ERICH6B: variants seen among roughly 807,000 people sequenced by gnomAD.
The protein encoded by ERICH6B is glutamate-rich protein 6B.
A neutral mutation model predicts 80.0 loss-of-function variants in ERICH6B; 69 were observed. The observed-to-expected ratio is 0.86, with a 90% CI of 0.71 to 1.05. The LOEUF (loss-of-function observed/expected upper bound fraction) is 1.05, where lower values mean the gene tolerates loss of function less well. Among genes scored for constraint, ERICH6B ranks in the 50% least tolerant of loss-of-function variants. ERICH6B has a pLI of 0.00. For synonymous variants in ERICH6B, 283 were observed against 291.9 expected (o/e 0.97, Z 0.31); for missense variants, 754 against 796.1 (o/e 0.95, Z 0.64).
chr13:45,549,850 T>C, intron 13 of ERICH6B, 43 bp downstream of exon 13: 1 of 1,531,394 alleles, frequency 6.5e-7, no homozygotes, highest in Non-Finnish European at 8.8e-7. Flanking sequence ...TCCAGCTGCT[T>C]CTCCATGGGC....
chr13:45,615,018 T>A (rs868450424), intron 1 of ERICH6B, among the ~76,000 whole-genome samples: 11 of 152,256 alleles, frequency 7.2e-5, no homozygotes, highest in African/African-American at 2.2e-4. Flanking sequence ...CAACATCATT[T>A]CCTAGGACCT....
chr13:45,551,868 AC>A (rs1402758516), intron 11 of ERICH6B, among the ~76,000 whole-genome samples: 1 of 152,090 alleles, frequency 6.6e-6, no homozygotes, highest in Non-Finnish European at 1.5e-5. Context: ...CCCCCTTGCC[AC>A]ATGTGACCCC....
chr13:45,608,370 A>G lies in ERICH6B; in HGVS notation c.-110-755T>C, dbSNP rs529291189. On this transcript the variant is annotated intron_variant, in intron 1 of 14. Coordinates refer to ENST00000298738, the MANE Select transcript of ERICH6B (RefSeq NM_182542.3). Reference sequence around the variant, plus strand: ...GCAGCAGACACCAGAGGAATCTGGGAACAGATTTTACTCTGTTCCCACACA... The same window carrying G: ...GCAGCAGACACCAGAGGAATCTGGGGACAGATTTTACTCTGTTCCCACACA... Among the ~76,000 whole-genome samples, 76 of 152,286 alleles carry G rather than the reference A, an allele frequency of 5.0e-4. 2 individuals carry two copies. The South Asian group carries it at 0.015, about 29-fold the overall frequency.
At chr13:45,544,452 G>A (rs1053790941) in intron 14 of ERICH6B, among the ~76,000 whole-genome samples, 1 of 152,118 alleles carries the variant, frequency 6.6e-6, no homozygotes, top group Non-Finnish European at 1.5e-5. Context: ...AAGTTCCTAG[G>A]CTCAAGGGAT....
chr13:45,575,217 A>C (rs1253429170), intron 7 of ERICH6B, among the ~76,000 whole-genome samples: 1 of 152,222 alleles, frequency 6.6e-6, no homozygotes, highest in African/African-American at 2.4e-5. Context: ...GTGGTCTTTG[A>C]ATGAGTCCTG....
intron 2 of ERICH6B, among the ~76,000 whole-genome samples, chr13:45,605,986 A>G (rs1316068842): frequency 6.6e-6 from 1 of 152,252 alleles, no homozygotes; most frequent in Non-Finnish European, 1.5e-5. Flanking sequence ...TTTGATATTC[A>G]ATGTCTGTCT....
chr13:45,570,910 G>T (rs758553074), intron 8 of ERICH6B, among the ~76,000 whole-genome samples: 296 of 124,554 alleles, frequency 2.4e-3, no homozygotes, highest in African/African-American at 7.4e-3. Flanking sequence ...AGCTGCAGGT[G>T]CCGTGTGGCA....
At chr13:45,580,467 C>A (rs1046216384) in intron 6 of ERICH6B, 136 bp downstream of exon 6, 5 of 813,426 alleles carry the variant, frequency 6.1e-6, no homozygotes, top group Non-Finnish European at 9.7e-6. Context: ...CATTGGCCTC[C>A]ATTAAGCCTG....
chr13:45,581,031 A>G (rs769862538), intron 5 of ERICH6B, among the ~76,000 whole-genome samples: 5 of 152,134 alleles, frequency 3.3e-5, no homozygotes, highest in Non-Finnish European at 7.4e-5. Context: ...CATAGAACCA[A>G]GTGGCTCCAA....
Position 45,557,999 on chromosome 13 carries a change from A to G in ERICH6B, c.1407+3370T>C, listed in dbSNP as rs138194051. Among the ~76,000 whole-genome samples the G allele has an allele frequency of 2.6e-5, 4 of 151,386 alleles. No individual in the cohort carries two copies. The East Asian group carries it at 5.8e-4, about 22-fold the overall frequency. ...ATGGTGGTATTTTGATGGGAATTGC[A>G]TTGAATTTCTAGATTGCTTTTGGCA... On this transcript the variant is annotated intron_variant, in intron 11 of 14. Transcript: ENST00000298738.
intron 7 of ERICH6B, among the ~76,000 whole-genome samples, chr13:45,576,222 T>C (rs1302421522): frequency 1.3e-5 from 2 of 152,240 alleles, no homozygotes; most frequent in Non-Finnish European, 2.9e-5. Flanking sequence ...GGGGCCTCTC[T>C]ACTTGCAAAC....
At chr13:45,555,196 G>A (rs899901540) in intron 11 of ERICH6B, among the ~76,000 whole-genome samples, 5 of 152,204 alleles carry the variant, frequency 3.3e-5, no homozygotes, top group Non-Finnish European at 7.3e-5. Context: ...AATAAGCCAA[G>A]TAAGGTTTCT....
intron 5 of ERICH6B, 122 bp from the exon 6 acceptor site, chr13:45,580,787 G>A: frequency 1.1e-6 from 1 of 894,028 alleles, no homozygotes; most frequent in Admixed American, 2.3e-5. Context: ...CAACAGTTGG[G>A]GGGAACTGAG....
intron 8 of ERICH6B, among the ~76,000 whole-genome samples, chr13:45,572,111 T>C (rs1204899415): frequency 6.6e-6 from 1 of 152,252 alleles, no homozygotes; most frequent in African/African-American, 2.4e-5. Context: ...TGGTTTTCAA[T>C]TGAACTTTAT....
chr13:45,591,371 C>T (rs4539498), intron 3 of ERICH6B, among the ~76,000 whole-genome samples: 6,091 of 152,082 alleles, frequency 0.04, 129 homozygotes, highest in Admixed American at 0.047. Context: ...CTGAGGCGGG[C>T]GGATCACAAG....
intron 9 of ERICH6B, among the ~76,000 whole-genome samples, chr13:45,567,400 A>G (rs1874963423): frequency 6.6e-6 from 1 of 152,140 alleles, no homozygotes; most frequent in Admixed American, 6.5e-5. Context: ...TTCCCACCCA[A>G]ATCTCATCTT....
chr13:45,609,370 C>T (rs1949886759), intron 1 of ERICH6B, among the ~76,000 whole-genome samples: 1 of 152,166 alleles, frequency 6.6e-6, no homozygotes, highest in Non-Finnish European at 1.5e-5. Context: ...GAAGATCTTC[C>T]AACACCTGGC....
At chr13:45,607,475 G>A (rs1234701947) in intron 2 of ERICH6B, 89 bp downstream of exon 2, 3 of 152,200 alleles carry the variant, frequency 2.0e-5, no homozygotes, top group Non-Finnish European at 4.4e-5. Flanking sequence ...CTAACAGGGA[G>A]GACAATAAGA....
In ERICH6B at chr13:45,579,915, A is replaced by C. The variant is rs1566296887; in HGVS notation, c.961+18T>G. ...GAAGAAAGCAGGGATCTTTGGATGC[A>C]TTATGTCAGATGCTCACCATTTTCT... is the stretch of plus-strand genomic sequence containing the variant. On this transcript the variant is annotated intron_variant, in intron 7 of 14. Coordinates refer to ENST00000298738, the MANE Select transcript of ERICH6B (RefSeq NM_182542.3). 6.4e-7 allele frequency: 1 copy of C among 1,551,748 alleles called. No individual in the cohort carries two copies. The highest frequency in any genetic ancestry group is 2.4e-5 in the East Asian group (1 of 40,928).
Sources: allele counts gnomAD v4.1 joint callset (sites outside exome capture counted in the v4.1 genomes callset), GRCh38; gene constraint gnomAD v4.1.1; transcripts MANE v1.5; gene names NCBI Gene and HGNC (gene_info 2026-07-23, HGNC 2026-07-21).